MEGF11: variants seen among roughly 807,000 people sequenced by gnomAD.
MEGF11 encodes the protein multiple EGF like domains 11, also known as multiple epidermal growth factor-like domains protein 11.
Under a neutral mutation model 146.6 loss-of-function variants are expected in MEGF11, and 126 were observed. The observed-to-expected ratio is 0.86, with a 90% CI of 0.74 to 1.00. MEGF11 has a LOEUF of 1.00. Ranked by LOEUF, MEGF11 falls within the 50% of genes least tolerant of loss-of-function variation. MEGF11 has a pLI of 0.00. For synonymous variants in MEGF11, 532 were observed against 583.4 expected, an observed-to-expected ratio of 0.91 and a Z score of 1.27; for missense variants, 1,509 against 1,521.2, an observed-to-expected ratio of 0.99 and a Z score of 0.13.
At chr15:66,183,535 C>CAAAAAAAAA (rs1491447055) in intron 1 of MEGF11, among the ~76,000 whole-genome samples, 1 of 99,512 alleles carries the variant, frequency 1.0e-5, no homozygotes, top group African/African-American at 4.0e-5. Context: ...ACCCCCCTGC[C>CAAAAAAAAA]AAAAAGAAAA....
Position 66,128,352 on chromosome 15 carries a change from G to C in MEGF11, c.52C>G (p.Leu18Val). The change falls in exon 2 of 26, where the codon CTT becomes GTT. Residue 18 changes from leucine to valine, a missense_variant. Coordinates refer to ENST00000395614, the MANE Select transcript of MEGF11 (RefSeq NM_001385028.1). ...TTGGGGTCCTCGGGGTTCAGGGCAAGGGTGGCTTGCAGGAAGGAGAAGGCA... is the reference window on the plus strand; with the variant it reads ...TTGGGGTCCTCGGGGTTCAGGGCAACGGTGGCTTGCAGGAAGGAGAAGGCA... ...LIAFSFLQAT[L>V]ALNPEDPNVC... The C allele has an allele frequency of 6.6e-7, 1 of 1,525,874 alleles. No homozygotes were observed. The highest frequency in any genetic ancestry group is 8.8e-7 in the Non-Finnish European group (1 of 1,135,016). The allele number at this position is 1,525,874 out of a possible 1,614,324, so 94.5% of individuals were successfully genotyped here.
At chr15:65,954,457 T>C (rs1458565797) in intron 10 of MEGF11, among the ~76,000 whole-genome samples, 1 of 152,090 alleles carries the variant, frequency 6.6e-6, no homozygotes, top group Non-Finnish European at 1.5e-5. Flanking sequence ...GTCATGCTGG[T>C]TGAGAACAAT....
chr15:65,992,109 G>C (rs1003963076), intron 5 of MEGF11, among the ~76,000 whole-genome samples: 1 of 152,214 alleles, frequency 6.6e-6, no homozygotes, highest in African/African-American at 2.4e-5. Context: ...GGGAACAAAG[G>C]CCATGGGTAC....
At chr15:65,963,782 C>T (rs1343329650) in intron 9 of MEGF11, among the ~76,000 whole-genome samples, 1 of 152,240 alleles carries the variant, frequency 6.6e-6, no homozygotes, top group Admixed American at 6.5e-5. Context: ...ACCCCAGCTG[C>T]TCCACTCCAG....
intron 4 of MEGF11, among the ~76,000 whole-genome samples, chr15:66,101,906 A>G (rs1031679643): frequency 6.6e-6 from 1 of 152,172 alleles, no homozygotes; most frequent in African/African-American, 2.4e-5. Flanking sequence ...GCCCTCTGTC[A>G]TCAAATGCCA....
chr15:66,210,906 G>A (rs899737529), intron 1 of MEGF11, among the ~76,000 whole-genome samples: 1 of 152,222 alleles, frequency 6.6e-6, no homozygotes, highest in African/African-American at 2.4e-5. Flanking sequence ...AGGACAAGGG[G>A]AAGAAGCAAG....
At chr15:66,206,161 C>A (rs866223962) in intron 1 of MEGF11, among the ~76,000 whole-genome samples, 5 of 152,068 alleles carry the variant, frequency 3.3e-5, no homozygotes, top group African/African-American at 1.2e-4. Context: ...GTGGACTCAG[C>A]AGCTGAATAG....
chr15:65,918,049 G>C lies in MEGF11; in HGVS notation c.2003C>G (p.Ser668Cys). ...GCTGCAGGTCCCGTTGTTGGCACAGGAGCAGAGCTGGGCACAGTCCTGCCC... is the reference window on the plus strand; with the variant it reads ...GCTGCAGGTCCCGTTGTTGGCACAGCAGCAGAGCTGGGCACAGTCCTGCCC... ...YFGQDCAQLC[S>C]CANNGTCSPI... Residue 668 changes from serine to cysteine, a missense_variant, in exon 16 of 26, where the codon TCC (serine) becomes TGC (cysteine). Physicochemically the swap from Ser to Cys is moderately radical, Grantham distance 112. Coordinates refer to ENST00000395614, the MANE Select transcript of MEGF11 (RefSeq NM_001385028.1). The C allele has an allele frequency of 6.2e-7, 1 of 1,613,990 alleles. No individual in the cohort carries two copies. Among genetic ancestry groups the C allele is most frequent in the South Asian group, 1.1e-5 (1 of 91,082 alleles).
At chr15:65,939,169 T>C (rs901551875) in intron 10 of MEGF11, among the ~76,000 whole-genome samples, 1 of 152,140 alleles carries the variant, frequency 6.6e-6, no homozygotes, top group African/African-American at 2.4e-5. Flanking sequence ...CAGGCCAAGG[T>C]GGCATGAGCC....
intron 5 of MEGF11, among the ~76,000 whole-genome samples, chr15:66,052,672 C>T (rs1597032793): frequency 6.6e-6 from 1 of 152,132 alleles, no homozygotes; most frequent in South Asian, 2.1e-4. Context: ...GATAATGGGC[C>T]AACTCCCGAA....
chr15:66,139,931 T>C (rs947989806), intron 1 of MEGF11, among the ~76,000 whole-genome samples: 2 of 152,098 alleles, frequency 1.3e-5, no homozygotes, highest in African/African-American at 4.8e-5. Context: ...TGAGCACCAG[T>C]GTCAAGAGAA....
At chr15:66,040,644 G>C (rs1434733) in intron 5 of MEGF11, among the ~76,000 whole-genome samples, 79,259 of 152,014 alleles carry the variant, frequency 0.52, 24,781 homozygotes, top group Admixed American at 0.69. Flanking sequence ...AGTGCTAAAT[G>C]GGGAGGGTGA....
chr15:66,201,323 A>G (rs1160842189), intron 1 of MEGF11, among the ~76,000 whole-genome samples: 1 of 151,976 alleles, frequency 6.6e-6, no homozygotes, highest in Non-Finnish European at 1.5e-5. Context: ...CCTCCTGCAG[A>G]ATGTGGGGCT....
intron 5 of MEGF11, among the ~76,000 whole-genome samples, chr15:66,027,194 C>G (rs2083362855): frequency 6.6e-6 from 1 of 152,216 alleles, no homozygotes; most frequent in South Asian, 2.1e-4. Context: ...GACTGATCAG[C>G]ACACTTCCAG....
intron 5 of MEGF11, among the ~76,000 whole-genome samples, chr15:66,082,449 AAAAAAAAAAAAAAAAAAATCT>A (rs2085903773): frequency 4.4e-5 from 5 of 113,828 alleles, no homozygotes; most frequent in African/African-American, 1.9e-4. Flanking sequence ...AAAAAAAAAA[AAAAAAAAAAAAAAAAAAATCT>A]ATCTATCTAT....
At chr15:66,194,444 A>G (rs1412469245) in intron 1 of MEGF11, among the ~76,000 whole-genome samples, 3 of 152,104 alleles carry the variant, frequency 2.0e-5, no homozygotes, top group Non-Finnish European at 4.4e-5. Flanking sequence ...CCCCATCTCT[A>G]CTAAAAATAT....
intron 5 of MEGF11, among the ~76,000 whole-genome samples, chr15:66,078,562 G>A (rs2085694396): frequency 6.6e-6 from 1 of 152,238 alleles, no homozygotes; most frequent in African/African-American, 2.4e-5. Context: ...AGGATGAGAT[G>A]CACCTTCTCC....
intron 1 of MEGF11, among the ~76,000 whole-genome samples, chr15:66,194,216 A>G (rs538271822): frequency 6.6e-6 from 1 of 152,316 alleles, no homozygotes; most frequent in Non-Finnish European, 1.5e-5. Context: ...GGAACTGGAG[A>G]CCTTTATTCT....
intron 1 of MEGF11, among the ~76,000 whole-genome samples, chr15:66,178,015 A>C (rs1368097375): frequency 2.0e-5 from 3 of 150,578 alleles, no homozygotes; most frequent in East Asian, 2.0e-4. Context: ...TCAGGGTCTC[A>C]CTCTATTGCC....
Sources: gnomAD v4.1 joint callset for allele counts (sites outside exome capture counted in the v4.1 genomes callset) on GRCh38, gnomAD v4.1.1 for gene constraint, MANE v1.5 for transcripts, NCBI Gene and HGNC (gene_info 2026-07-23, HGNC 2026-07-21) for gene names.